Variants in WDFY4 observed in about 807,000 individuals in gnomAD.
The protein encoded by WDFY4 is WDFY family member 4.
A neutral mutation model predicts 351.9 loss-of-function variants in WDFY4; 169 were observed. The ratio of observed to expected loss-of-function variants is 0.48; its 90% CI spans 0.42 to 0.55. WDFY4 has a LOEUF of 0.55. WDFY4 is among the 20% of genes least tolerant of loss of function. WDFY4 has a pLI of 0.00. For missense variants in WDFY4, 3,803 were observed against 3,935.6 expected (o/e 0.97, Z 0.90); for synonymous variants, 1,622 against 1,574.6 (o/e 1.03, Z -0.71).
chr10:48,781,327 G>T (rs947820375), intron 19 of WDFY4, among the ~76,000 whole-genome samples: 1 of 150,152 alleles, frequency 6.7e-6, no homozygotes, highest in South Asian at 2.1e-4. Context: ...ATAGGATTTC[G>T]CTCTTGTCGC....
At chr10:48,941,996 C>T in intron 48 of WDFY4, 148 bp downstream of exon 48, 3 of 840,500 alleles carry the variant, frequency 3.6e-6, no homozygotes, top group Non-Finnish European at 5.3e-6. Flanking sequence ...TGGAGTTTCA[C>T]TCTTGTTGCC....
At chr10:48,704,668 C>T (rs2063574421) in intron 1 of WDFY4, among the ~76,000 whole-genome samples, 1 of 152,200 alleles carries the variant, frequency 6.6e-6, no homozygotes, top group African/African-American at 2.4e-5. Flanking sequence ...AGCCCAGCTG[C>T]CTGTGTGCAC....
intron 40 of WDFY4, among the ~76,000 whole-genome samples, chr10:48,871,620 C>A (rs1322657878): frequency 3.9e-5 from 6 of 152,116 alleles, no homozygotes; most frequent in African/African-American, 1.2e-4. Context: ...AGAGTACAGT[C>A]ATGCACTAAC....
chr10:48,865,133 G>A (rs1169333827), intron 39 of WDFY4, among the ~76,000 whole-genome samples: 2 of 152,138 alleles, frequency 1.3e-5, no homozygotes, highest in African/African-American at 4.8e-5. Context: ...TCCTTGTCTT[G>A]TTCCTGATGT....
At position 48,913,481 on chromosome 10, in the gene WDFY4, C is replaced by T. The variant is rs148385977; in HGVS notation, c.7586+11618C>T. 1.8e-3 allele frequency: 2,804 copies of T among 1,553,308 alleles called. 10 individuals are homozygous for T. The Middle Eastern group carries it at 0.018, about 10-fold the overall frequency. ...TTCTCGGTGTCGTCGTGGCCATGTTCTTGATTCTATTCAGGTTGTCCCGGG... is the reference window on the plus strand; with the variant it reads ...TTCTCGGTGTCGTCGTGGCCATGTTTTTGATTCTATTCAGGTTGTCCCGGG... On this transcript the variant is annotated intron_variant, in intron 47 of 61. Coordinates refer to ENST00000325239, the MANE Select transcript of WDFY4 (RefSeq NM_001394531.1).
intron 30 of WDFY4, among the ~76,000 whole-genome samples, chr10:48,813,685 T>C (rs535328353): frequency 6.6e-6 from 1 of 152,352 alleles, no homozygotes; most frequent in South Asian, 2.1e-4. Context: ...TAATTAAAGT[T>C]GATTAGCATA....
chr10:48,691,903 A>G (rs1054011683), intron 1 of WDFY4, among the ~76,000 whole-genome samples: 1 of 152,052 alleles, frequency 6.6e-6, no homozygotes, highest in Non-Finnish European at 1.5e-5. Context: ...CCCTGTGTGC[A>G]GAAGGCTGCA....
intron 3 of WDFY4, 45 bp downstream of exon 3, chr10:48,720,170 C>A: frequency 2.0e-6 from 3 of 1,532,614 alleles, no homozygotes; most frequent in Non-Finnish European, 2.7e-6. Flanking sequence ...GAGAGCAGTG[C>A]AGCCCTGCAT....
chr10:48,930,754 T>C (rs1438140723), intron 47 of WDFY4, among the ~76,000 whole-genome samples: 2 of 151,998 alleles, frequency 1.3e-5, no homozygotes, highest in East Asian at 1.9e-4. Context: ...TAATGTGTAA[T>C]CATAGAATGA....
chr10:48,789,698 C>G (rs1455753916), intron 21 of WDFY4, among the ~76,000 whole-genome samples, 176 bp from the exon 22 acceptor site: 1 of 152,232 alleles, frequency 6.6e-6, no homozygotes, highest in Non-Finnish European at 1.5e-5. Flanking sequence ...AATGCATGAG[C>G]CTGAATTTGG....
At chr10:48,943,266 G>T (rs768248541) in intron 48 of WDFY4, 64 bp from the exon 49 acceptor site, 1 of 1,533,206 alleles carries the variant, frequency 6.5e-7, no homozygotes, top group Non-Finnish European at 8.8e-7. Context: ...CTGAGGGTGG[G>T]ACCCATGGCT....
chr10:48,881,148 G>T (rs1242732986), intron 43 of WDFY4, among the ~76,000 whole-genome samples: 1 of 152,218 alleles, frequency 6.6e-6, no homozygotes, highest in African/African-American at 2.4e-5. Flanking sequence ...TCAGTCTCTG[G>T]CATCTGCTGT....
chr10:48,805,203 A>G (rs2067212109), intron 25 of WDFY4, 57 bp from the exon 26 acceptor site: 1 of 1,509,118 alleles, frequency 6.6e-7, no homozygotes, highest in Admixed American at 2.1e-5. Flanking sequence ...GCAGAAACAC[A>G]GCAAATTTGG....
chr10:48,924,499 G>A (rs1564492751), intron 47 of WDFY4, among the ~76,000 whole-genome samples: 1 of 152,244 alleles, frequency 6.6e-6, no homozygotes. Flanking sequence ...TGGGCGAATA[G>A]ACAGACGAAT....
chr10:48,782,817 G>A (rs912163571), intron 19 of WDFY4, among the ~76,000 whole-genome samples: 1 of 152,162 alleles, frequency 6.6e-6, no homozygotes, highest in Admixed American at 6.5e-5. Context: ...TTTGAATTGG[G>A]CAAAATGATT....
In WDFY4 at chr10:48,743,201, G is replaced by T. The variant is rs2064907871; in HGVS notation, c.2112G>T (p.Arg704Ser). ...CTGTCAATGGCTACTTCTTCAGGAGGAATGGGCTCTTTGAGAAGCTGGCCG... is the reference window on the plus strand; with the variant it reads ...CTGTCAATGGCTACTTCTTCAGGAGTAATGGGCTCTTTGAGAAGCTGGCCG... ...WDPVNGYFFR[R>S]NGLFEKLAED... is the part of the protein sequence containing the mutation. Residue 704 changes from arginine to serine, a missense_variant, in exon 12 of 62, where the codon AGG becomes AGT. This residue lies in a region of WDFY4 where 3,054 missense variants were observed against 3,148.6 expected (regional missense o/e 0.97). Transcript: ENST00000325239. The T allele has an allele frequency of 6.4e-7, 1 of 1,551,598 alleles. No individual in the cohort carries two copies. The highest frequency in any genetic ancestry group is 1.2e-5 in the South Asian group (1 of 84,062).
intron 1 of WDFY4, among the ~76,000 whole-genome samples, chr10:48,689,384 A>AT (rs1268457652): frequency 2.0e-5 from 3 of 152,226 alleles, no homozygotes; most frequent in Non-Finnish European, 4.4e-5. Context: ...GCCGATGTGA[A>AT]TTGAGATGCA....
In WDFY4 at chr10:48,970,270, G is replaced by A. The variant is rs1842280779; in HGVS notation, c.8909G>A (p.Arg2970Lys). The change falls in exon 57 of 62, where the codon AGG becomes AAG. Residue 2970 changes from arginine (R) to lysine (K), a missense_variant. Arg to Lys is a conservative substitution (Grantham distance 26, BLOSUM62 2). This residue lies in a region of WDFY4 where 3,054 missense variants were observed against 3,148.6 expected (regional missense o/e 0.97). Coordinates refer to ENST00000325239, the MANE Select transcript of WDFY4 (RefSeq NM_001394531.1). ...WELSMTKGRP[R>K]GLRLRQALYG... ...CTCAGCATGACCAAAGGCCGCCCGA[G>A]GGGCTTGCGCCTCCGGCAGGTATGG... 1 of 1,551,198 alleles carries A rather than the reference G, an allele frequency of 6.4e-7. No individual in the cohort carries two copies. Among genetic ancestry groups the A allele is most frequent in the Admixed American group, 2.0e-5 (1 of 51,012 alleles).
At chr10:48,969,718 G>A (rs547020215) in intron 56 of WDFY4, among the ~76,000 whole-genome samples, 14 of 141,556 alleles carry the variant, frequency 9.9e-5, no homozygotes, top group Non-Finnish European at 2.0e-4. Flanking sequence ...TCCTCCTCAG[G>A]CCCCATTCCT....
Sources: allele counts gnomAD v4.1 joint callset (sites outside exome capture counted in the v4.1 genomes callset), GRCh38; gene constraint gnomAD v4.1.1; regional missense constraint gnomAD v4.1.1; transcripts MANE v1.5; gene names NCBI Gene and HGNC (gene_info 2026-07-23, HGNC 2026-07-21).